Variants in PRKG1 observed in about 807,000 individuals in gnomAD.
PRKG1 encodes the protein protein kinase cGMP-dependent 1, also known as cGMP-dependent protein kinase 1.
A neutral mutation model predicts 88.1 loss-of-function variants in PRKG1; 35 were observed. The observed-to-expected ratio is 0.40, with a 90% CI of 0.30 to 0.53. PRKG1 has a LOEUF of 0.53. Ranked by LOEUF, PRKG1 falls within the 20% of genes least tolerant of loss-of-function variation. The pLI is 0.59. For synonymous variants in PRKG1, 303 were observed against 292.5 expected, an observed-to-expected ratio of 1.04 and a Z score of -0.37; for missense variants, 540 against 839.8, an observed-to-expected ratio of 0.64 and a Z score of 4.41.
intron 1 of PRKG1, among the ~76,000 whole-genome samples, chr10:51,046,825 T>C (rs9633564): frequency 0.25 from 38,224 of 152,164 alleles, 4,967 homozygotes; most frequent in Admixed American, 0.28. Context: ...TATTAAGTAC[T>C]CTTAATACTG....
At chr10:51,633,198 C>T (rs928408395) in intron 3 of PRKG1, among the ~76,000 whole-genome samples, 1 of 152,000 alleles carries the variant, frequency 6.6e-6, no homozygotes, top group Non-Finnish European at 1.5e-5. Context: ...CTAGAGGCAA[C>T]CACTCACATA....
At chr10:51,546,134 G>A (rs111615053) in intron 3 of PRKG1, among the ~76,000 whole-genome samples, 50 of 151,548 alleles carry the variant, frequency 3.3e-4, no homozygotes, top group African/African-American at 1.1e-3. Context: ...TAATTCATGA[G>A]TTTATTTTAA....
chr10:52,054,596 G>T (rs1457705826), intron 6 of PRKG1, 35 bp downstream of exon 6: 3 of 1,581,206 alleles, frequency 1.9e-6, no homozygotes, highest in Non-Finnish European at 2.6e-6. Flanking sequence ...TGATGCACTA[G>T]GGGAGCCTGG....
intron 1 of PRKG1, among the ~76,000 whole-genome samples, chr10:51,013,057 T>C (rs1843012963): frequency 6.6e-6 from 1 of 152,178 alleles, no homozygotes; most frequent in South Asian, 2.1e-4. Flanking sequence ...TGGCACGCAG[T>C]GAGTTTCCTG....
intron 3 of PRKG1, among the ~76,000 whole-genome samples, chr10:51,597,662 A>G (rs1384532754): frequency 1.3e-5 from 2 of 152,106 alleles, no homozygotes; most frequent in African/African-American, 4.8e-5. Context: ...ATTATTGCCA[A>G]CTCTCTCAGG....
chr10:52,064,862 A>G (rs1296204670), intron 7 of PRKG1, among the ~76,000 whole-genome samples: 3 of 152,270 alleles, frequency 2.0e-5, no homozygotes, highest in East Asian at 3.9e-4. Context: ...ATGGCCTGCC[A>G]CTGCCATCAC....
At chr10:51,706,554 C>A (rs564790334) in intron 3 of PRKG1, among the ~76,000 whole-genome samples, 4 of 151,936 alleles carry the variant, frequency 2.6e-5, no homozygotes, top group African/African-American at 9.7e-5. Flanking sequence ...GAAAATGACG[C>A]CCAGGAAAGG....
At chr10:52,017,892 T>C (rs1362158713) in intron 5 of PRKG1, among the ~76,000 whole-genome samples, 1 of 152,204 alleles carries the variant, frequency 6.6e-6, no homozygotes, top group East Asian at 1.9e-4. Context: ...AAAGATCTTA[T>C]TCATATATTG....
chr10:52,008,493 A>G (rs576911827), intron 5 of PRKG1, among the ~76,000 whole-genome samples: 23 of 152,284 alleles, frequency 1.5e-4, no homozygotes, highest in African/African-American at 5.3e-4. Context: ...ACTACTATGA[A>G]CACCTGTGTT....
At chr10:51,415,190 C>A (rs1410899021) in intron 2 of PRKG1, among the ~76,000 whole-genome samples, 1 of 152,152 alleles carries the variant, frequency 6.6e-6, no homozygotes, top group Non-Finnish European at 1.5e-5. Flanking sequence ...GCAGTAGCAT[C>A]CGTTTAGTGA....
At chr10:51,126,180 T>G in intron 1 of PRKG1, among the ~76,000 whole-genome samples, 1 of 122,194 alleles carries the variant, frequency 8.2e-6, no homozygotes, top group African/African-American at 3.3e-5. Flanking sequence ...ATTTATATAT[T>G]TATATATAAT....
intron 1 of PRKG1, among the ~76,000 whole-genome samples, chr10:51,089,963 GC>G (rs1844358260): frequency 6.6e-6 from 1 of 152,126 alleles, no homozygotes; most frequent in African/African-American, 2.4e-5. Flanking sequence ...CTGTGATTCA[GC>G]AATGCATTTA....
chr10:51,970,767 T>G (rs1470946453), intron 5 of PRKG1, among the ~76,000 whole-genome samples: 1 of 141,196 alleles, frequency 7.1e-6, no homozygotes, highest in Non-Finnish European at 1.5e-5. Context: ...TATCAGATTA[T>G]ATATATATAT....
In PRKG1 at chr10:51,950,102, C is replaced by T. The variant is rs1395344977; in HGVS notation, c.762+42532C>T. 3.9e-5 allele frequency among the ~76,000 whole-genome samples: 6 copies of T among 152,174 alleles called. No homozygotes were observed. In the South Asian group the frequency reaches 8.3e-4, roughly 21 times the overall value. ...ATAAAGAAAAAGTTGGACTACATAA[C>T]TCCTACATCCTTCACATTCATGAAA... On this transcript the variant is annotated intron_variant, in intron 5 of 17. Coordinates refer to ENST00000373980, the MANE Select transcript of PRKG1 (RefSeq NM_006258.4).
intron 3 of PRKG1, among the ~76,000 whole-genome samples, chr10:51,616,884 G>A (rs1839071276): frequency 6.6e-6 from 1 of 152,150 alleles, no homozygotes; most frequent in East Asian, 1.9e-4. Context: ...CCTATTCCTT[G>A]CTTGCATTTC....
chr10:51,552,142 T>C (rs1476518859), intron 3 of PRKG1, among the ~76,000 whole-genome samples: 1 of 151,696 alleles, frequency 6.6e-6, no homozygotes, highest in Non-Finnish European at 1.5e-5. Context: ...TTATCTCAGA[T>C]GGTGATTATG....
At chr10:52,239,521 T>TAAAAAAAAAAAAA in intron 9 of PRKG1, among the ~76,000 whole-genome samples, 2 of 56,738 alleles carry the variant, frequency 3.5e-5, no homozygotes, top group African/African-American at 7.9e-5. Context: ...TTCTACAGTG[T>TAAAAAAAAAAAAA]AAAAAAAAAA....
At chr10:51,443,015 C>T (rs990543368) in intron 2 of PRKG1, among the ~76,000 whole-genome samples, 3 of 151,982 alleles carry the variant, frequency 2.0e-5, no homozygotes, top group Non-Finnish European at 4.4e-5. Context: ...TGGTCAAAGC[C>T]GTTGTAGTGC....
intron 16 of PRKG1, 37 bp downstream of exon 16, chr10:52,289,030 A>G (rs1216922350): frequency 6.4e-7 from 1 of 1,552,994 alleles, no homozygotes; most frequent in East Asian, 2.2e-5. Context: ...AACACGTGAC[A>G]TCATTTCCCC....
Sources: allele counts gnomAD v4.1 joint callset (sites outside exome capture counted in the v4.1 genomes callset), GRCh38; gene constraint gnomAD v4.1.1; transcripts MANE v1.5; gene names NCBI Gene and HGNC (gene_info 2026-07-23, HGNC 2026-07-21).